The following SNAP29 variants were observed in gnomAD, a reference collection of about 807,000 sequenced individuals.
The protein encoded by SNAP29 is synaptosome associated protein 29.
Under a neutral mutation model 27.9 loss-of-function variants are expected in SNAP29, and 13 were observed. The observed-to-expected ratio is 0.47, with a 90% CI of 0.30 to 0.74. SNAP29 has a LOEUF of 0.74. SNAP29 is among the 30% of genes least tolerant of loss of function. The probability of loss-of-function intolerance (pLI) is 0.06; values close to 1 mark genes in which losing one functional copy is unlikely to be tolerated. For missense variants in SNAP29, 368 were observed against 336.5 expected, an observed-to-expected ratio of 1.09 and a Z score of -0.73; for synonymous variants, 119 against 127.1, an observed-to-expected ratio of 0.94 and a Z score of 0.43.
At chr22:20,873,560 G>A (rs1033528657) in intron 2 of SNAP29, among the ~76,000 whole-genome samples, 1 of 152,148 alleles carries the variant, frequency 6.6e-6, no homozygotes, top group Non-Finnish European at 1.5e-5. Flanking sequence ...GAGTTATGGA[G>A]AGGTTCAGGC....
At chr22:20,862,920 ACT>A (rs1002065833) in intron 1 of SNAP29, among the ~76,000 whole-genome samples, 2 of 151,950 alleles carry the variant, frequency 1.3e-5, no homozygotes, top group African/African-American at 4.8e-5. Context: ...TGGGGGTCTC[ACT>A]CTGTCAACCA....
chr22:20,883,492 G>A lies in SNAP29; in HGVS notation c.542G>A (p.Gly181Asp). 1.2e-6 allele frequency: 2 copies of A among 1,613,172 alleles called. No homozygotes were observed. Among genetic ancestry groups the A allele is most frequent in the Non-Finnish European group, 1.7e-6 (2 of 1,179,266 alleles). Reference protein sequence around the residue: ...DDTDPVPRGAGSAMSTDAYPK... With the variant: ...DDTDPVPRGADSAMSTDAYPK... ...TTAGACCCTGTCCCCAGAGGGGCTG[G>A]TTCTGCCATGAGTACTGATGCTTAC... The change falls in exon 4 of 5, where the codon GGT (glycine) becomes GAT (aspartate). Residue 181 changes from glycine to aspartate, a missense_variant. Physicochemically the swap from Gly to Asp is moderately conservative, Grantham distance 94. Coordinates refer to ENST00000215730, the MANE Select transcript of SNAP29 (RefSeq NM_004782.4).
At chr22:20,875,536 G>A (rs1042136765) in intron 2 of SNAP29, among the ~76,000 whole-genome samples, 1 of 152,180 alleles carries the variant, frequency 6.6e-6, no homozygotes, top group African/African-American at 2.4e-5. Context: ...CTGCACAAAG[G>A]ACCTGACTTT....
At position 20,869,916 on chromosome 22, in the gene SNAP29, G is replaced by A. The variant is rs1166676450; in HGVS notation, c.238-421G>A. Among the ~76,000 whole-genome samples, 7 of 152,118 alleles carry A rather than the reference G, an allele frequency of 4.6e-5. No homozygotes were observed. The East Asian group carries it at 9.7e-4, about 21-fold the overall frequency. On this transcript the variant is annotated intron_variant, in intron 1 of 4. Transcript: ENST00000215730. ...CCCCCGAGTAGCTGGGATTACAGGT[G>A]CCCGCCACAACACCTGGCTACTTTT...
intron 1 of SNAP29, among the ~76,000 whole-genome samples, chr22:20,867,705 T>C (rs1928494146): frequency 6.6e-6 from 1 of 152,234 alleles, no homozygotes; most frequent in South Asian, 2.1e-4. Context: ...CAGACTTCTC[T>C]GTGCTCCCAT....
chr22:20,872,249 A>AT (rs200630117), intron 2 of SNAP29, among the ~76,000 whole-genome samples: 9,502 of 150,458 alleles, frequency 0.063, 308 homozygotes, highest in East Asian at 0.081. Flanking sequence ...TTATTTATTT[A>AT]TTTTTTTTGA....
chr22:20,875,252 T>G (rs937707240), intron 2 of SNAP29, among the ~76,000 whole-genome samples: 4 of 152,168 alleles, frequency 2.6e-5, no homozygotes, highest in Non-Finnish European at 5.9e-5. Flanking sequence ...TTGTTCTCAT[T>G]TCCACTTAAA....
chr22:20,874,794 T>G (rs548953140), intron 2 of SNAP29, among the ~76,000 whole-genome samples: 1 of 152,164 alleles, frequency 6.6e-6, no homozygotes, highest in African/African-American at 2.4e-5. Flanking sequence ...TGTTTTTTGT[T>G]GTTTTTTTTT....
chr22:20,863,586 G>A (rs973610003), intron 1 of SNAP29, among the ~76,000 whole-genome samples: 2 of 152,208 alleles, frequency 1.3e-5, no homozygotes, highest in African/African-American at 4.8e-5. Flanking sequence ...TCCCCAGGCC[G>A]ACCTGGTAGG....
intron 4 of SNAP29, among the ~76,000 whole-genome samples, chr22:20,887,000 G>A (rs1929032352): frequency 6.6e-6 from 1 of 151,984 alleles, no homozygotes; most frequent in Non-Finnish European, 1.5e-5. Context: ...AAGACGGGCG[G>A]ATCACAAGGT....
rs1169635133 is a variant in SNAP29 at position 20,859,314 on chromosome 22, C to T, written c.204C>T (p.Tyr68=). 1.9e-6 allele frequency: 3 copies of T among 1,613,244 alleles called. No homozygotes were observed. Among genetic ancestry groups the T allele is most frequent in the African/African-American group, 1.3e-5 (1 of 75,032 alleles). Reference sequence around the variant, plus strand: ...CCAGCAGGTCCCTGGCCCTCATGTACGAGTCCGAGAAGGTTGGGGTCGCCT... The same window carrying T: ...CCAGCAGGTCCCTGGCCCTCATGTATGAGTCCGAGAAGGTTGGGGTCGCCT... ...ASTSRSLALM[Y]ESEKVGVASS... is the part of the protein sequence containing the mutation. The change falls in exon 1 of 5, where the codon TAC becomes TAT. Residue 68 remains tyrosine, a synonymous_variant. Transcript: ENST00000215730.
chr22:20,883,690 G>A (rs1268397929), intron 4 of SNAP29, 121 bp downstream of exon 4: 6 of 732,436 alleles, frequency 8.2e-6, no homozygotes, highest in Admixed American at 1.8e-5. Flanking sequence ...CACATCCCAC[G>A]CCAAGCTGGG....
At chr22:20,870,273 TC>T (rs899310900) in intron 1 of SNAP29, 63 bp from the exon 2 acceptor site, 4 of 1,490,094 alleles carry the variant, frequency 2.7e-6, no homozygotes, top group Non-Finnish European at 3.7e-6. Context: ...CTCCATGTGG[TC>T]CTTGACTGCC....
rs199623212 is a variant in SNAP29, at chr22:20,887,807, A to C, written c.748A>C (p.Ser250Arg). The C allele has an allele frequency of 6.2e-7, 1 of 1,614,236 alleles. No individual in the cohort carries two copies. Residue 250 changes from serine (S) to arginine (R), a missense_variant, in exon 5 of 5, where the codon AGC (serine) becomes CGC (arginine). Transcript: ENST00000215730. ...GGACAAGTTAGATGTCAACATAAAAAGCACAGAAAGAAAAGTTCGACAACT... is the reference window on the plus strand; with the variant it reads ...GGACAAGTTAGATGTCAACATAAAACGCACAGAAAGAAAAGTTCGACAACT... ...KVDKLDVNIK[S>R]TERKVRQL
chr22:20,878,679 G>T (rs971602697), intron 2 of SNAP29, among the ~76,000 whole-genome samples: 12 of 152,146 alleles, frequency 7.9e-5, no homozygotes, highest in Admixed American at 3.9e-4. Context: ...TGGGAGTAGC[G>T]CTGTGCAGGG....
intron 2 of SNAP29, among the ~76,000 whole-genome samples, chr22:20,879,029 C>T (rs528812428): frequency 4.7e-3 from 716 of 152,244 alleles, no homozygotes; most frequent in Non-Finnish European, 7.7e-3. Context: ...AAACAGTGGC[C>T]GGGTGCAGTG....
chr22:20,873,964 CAAAAAAAA>C (rs362036), intron 2 of SNAP29, among the ~76,000 whole-genome samples: 1 of 25,976 alleles, frequency 3.8e-5, no homozygotes, highest in Non-Finnish European at 6.3e-5. Context: ...GACTCTGTCT[CAAAAAAAA>C]AAAAAAAAAA....
At chr22:20,867,910 G>A (rs1321022164) in intron 1 of SNAP29, among the ~76,000 whole-genome samples, 1 of 152,174 alleles carries the variant, frequency 6.6e-6, no homozygotes, top group Non-Finnish European at 1.5e-5. Context: ...TCACCATCAG[G>A]GAAGCTGAGG....
In SNAP29 at chr22:20,859,013, G is replaced by T; in HGVS notation, c.-98G>T. The T allele has an allele frequency of 7.3e-7, 1 of 1,364,250 alleles. No homozygotes were observed. Among genetic ancestry groups the T allele is most frequent in the Non-Finnish European group, 1.0e-6 (1 of 1,004,764 alleles). The allele number at this position is 1,364,250 out of a possible 1,614,324, so 84.5% of individuals were successfully genotyped here. A position where few individuals can be genotyped will look rare whatever the true frequency, so the allele number is the denominator to read the frequency against. On this transcript the variant is annotated 5_prime_UTR_variant, in exon 1 of 5. Transcript: ENST00000215730. ...CGCGCGACGCGCGGAAGGAGTTCGC[G>T]CGACGACCGCGGGGTCGGCGGGCGG...
Sources: gnomAD v4.1 joint callset for allele counts (sites outside exome capture counted in the v4.1 genomes callset) on GRCh38, gnomAD v4.1.1 for gene constraint, MANE v1.5 for transcripts, NCBI Gene and HGNC (gene_info 2026-07-23, HGNC 2026-07-21) for gene names.